Variants in NCOA3 observed in about 807,000 individuals in gnomAD.
NCOA3 encodes CBP-interacting protein.
NCOA3 carries 51 observed loss-of-function variants against 158.8 expected under a neutral mutation model. The observed-to-expected ratio is 0.32, with a 90% CI of 0.26 to 0.41. The LOEUF (loss-of-function observed/expected upper bound fraction) is 0.41. NCOA3 is among the 10% of genes least tolerant of loss of function. The pLI, the probability that NCOA3 is intolerant of heterozygous loss-of-function variation, is 1.00. For synonymous variants in NCOA3, 537 were observed against 592.4 expected, an observed-to-expected ratio of 0.91 and a Z score of 1.36; for missense variants, 1,510 against 1,746.6, an observed-to-expected ratio of 0.86 and a Z score of 2.41.
Position 47,635,369 on chromosome 20 carries a change from T to G in NCOA3, c.1160T>G (p.Ile387Ser). The change falls in exon 11 of 23, where the codon ATT becomes AGT. Residue 387 changes from isoleucine (I) to serine (S), a missense_variant. This residue lies in a region of NCOA3 where 1,017 missense variants were observed against 1,098.3 expected (regional missense o/e 0.93). Transcript: ENST00000371998. ...RPNPNPVGQG[I>S]RPPMAGCNSS... ...AACCCAAATCCTGTTGGACAAGGGA[T>G]TAGACCACCTATGGCTGGATGCAAC... The G allele has an allele frequency of 6.2e-7, 1 of 1,612,750 alleles. No individual in the cohort carries two copies. The highest frequency in any genetic ancestry group is 1.1e-5 in the South Asian group (1 of 91,058).
intron 2 of NCOA3, among the ~76,000 whole-genome samples, chr20:47,586,924 G>A (rs1338872814): frequency 1.3e-5 from 2 of 152,190 alleles, no homozygotes; most frequent in Non-Finnish European, 2.9e-5. Context: ...CCTTGGCCAA[G>A]GTGTTGCCAG....
intron 1 of NCOA3, among the ~76,000 whole-genome samples, chr20:47,522,656 A>G (rs2084361895): frequency 1.3e-5 from 2 of 151,394 alleles, no homozygotes; most frequent in Admixed American, 1.3e-4. Flanking sequence ...GAAAAAGCTG[A>G]CCCTCCCACC....
intron 1 of NCOA3, among the ~76,000 whole-genome samples, chr20:47,568,955 AGTTTT>A (rs1045819216): frequency 1.3e-5 from 2 of 149,110 alleles, no homozygotes; most frequent in African/African-American, 2.5e-5. Flanking sequence ...AAATTAAAAC[AGTTTT>A]TTTTTTTTTT....
At chr20:47,511,550 T>TATATATATATATATATACATACAC in intron 1 of NCOA3, among the ~76,000 whole-genome samples, 3 of 52,268 alleles carry the variant, frequency 5.7e-5, no homozygotes, top group Non-Finnish European at 8.0e-5. Flanking sequence ...TATATATATA[T>TATATATATATATATATACATACAC]ATATATTTCT....
intron 2 of NCOA3, among the ~76,000 whole-genome samples, chr20:47,618,846 A>G (rs1411133007): frequency 2.0e-5 from 3 of 152,240 alleles, no homozygotes; most frequent in Non-Finnish European, 4.4e-5. Flanking sequence ...CTTAACACAA[A>G]TGATCTGCAT....
intron 2 of NCOA3, among the ~76,000 whole-genome samples, chr20:47,620,236 A>G (rs2086216164): frequency 6.6e-6 from 1 of 152,108 alleles, no homozygotes; most frequent in South Asian, 2.1e-4. Context: ...TTTATTCCTA[A>G]GTAGTTAATG....
Position 47,635,635 on chromosome 20 carries a change from A to G in NCOA3, c.1426A>G (p.Asn476Asp). The G allele has an allele frequency of 4.3e-6, 7 of 1,614,176 alleles. No homozygotes were observed. Among genetic ancestry groups the G allele is most frequent in the South Asian group, 1.1e-5 (1 of 91,082 alleles). The change falls in exon 11 of 23, where the codon AAC becomes GAC. Residue 476 changes from asparagine (N) to aspartate (D), a missense_variant. Coordinates refer to ENST00000371998, the MANE Select transcript of NCOA3 (RefSeq NM_181659.3). The part of the protein sequence containing the change: ...PPHGSPGLAP[N>D]QQNIMISPRN... ...ACATGGGAGTCCTGGTCTTGCCCCAAACCAGCAGAATATCATGATTTCTCC... is the reference window on the plus strand; with the variant it reads ...ACATGGGAGTCCTGGTCTTGCCCCAGACCAGCAGAATATCATGATTTCTCC...
rs182372110 is a variant in NCOA3 at position 47,554,635 on chromosome 20, G to A, written c.-98-28548G>A. On this transcript the variant is annotated intron_variant, in intron 1 of 22. Coordinates refer to ENST00000371998, the MANE Select transcript of NCOA3 (RefSeq NM_181659.3). The stretch of plus-strand genomic sequence containing the variant: ...GCTTCAAAGAGAATAAAATACCTAG[G>A]AATCCAACTTACAAGGGATGTGAAA... Among the ~76,000 whole-genome samples, 340 of 151,902 alleles carry A rather than the reference G, an allele frequency of 2.2e-3. 1 individual carries two copies. The highest frequency in any genetic ancestry group is 8.0e-3 in the African/African-American group (330 of 41,346).
At chr20:47,561,905 C>T (rs1459666166) in intron 1 of NCOA3, among the ~76,000 whole-genome samples, 1 of 152,044 alleles carries the variant, frequency 6.6e-6, no homozygotes, top group African/African-American at 2.4e-5. Context: ...AAATCTATGC[C>T]CCACCTATTC....
intron 1 of NCOA3, among the ~76,000 whole-genome samples, chr20:47,507,340 T>G (rs190196642): frequency 6.6e-6 from 1 of 152,328 alleles, no homozygotes; most frequent in African/African-American, 2.4e-5. Context: ...TCTTTAATGC[T>G]TTTACCTTTA....
chr20:47,510,217 A>C (rs993622918), intron 1 of NCOA3, among the ~76,000 whole-genome samples: 2 of 151,934 alleles, frequency 1.3e-5, no homozygotes, highest in Non-Finnish European at 2.9e-5. Flanking sequence ...TGGATCACGA[A>C]GTCAGGAATT....
chr20:47,611,217 T>C (rs2086037550), intron 2 of NCOA3, among the ~76,000 whole-genome samples: 1 of 152,190 alleles, frequency 6.6e-6, no homozygotes, highest in South Asian at 2.1e-4. Context: ...TCTTTATTGC[T>C]TATTAATTTA....
intron 19 of NCOA3, among the ~76,000 whole-genome samples, chr20:47,649,560 G>C (rs1176695909): frequency 6.6e-6 from 1 of 152,026 alleles, no homozygotes; most frequent in African/African-American, 2.4e-5. Flanking sequence ...GTAGTAGGAG[G>C]GGATATTAAA....
Position 47,641,490 on chromosome 20 carries a change from CTTTTTTTT to C in NCOA3, c.3081-702_3081-695del, listed in dbSNP as rs71183270. Among the ~76,000 whole-genome samples the C allele has an allele frequency of 2.4e-3, 115 of 48,370 alleles. 3 individuals are homozygous for C. Among genetic ancestry groups the C allele is most frequent in the African/African-American group, 0.012 (104 of 8,406 alleles). The allele number at this position is 48,370 out of a possible 152,430, so 31.7% of individuals were successfully genotyped here. ...GTCAGCCACCACGCCTGGCTCCCTT[CTTTTTTTT>C]TTTTTTTTTTTTTTTTTTTTGAGAC... On this transcript the variant is annotated intron_variant, in intron 16 of 22. Coordinates refer to ENST00000371998, the MANE Select transcript of NCOA3 (RefSeq NM_181659.3).
chr20:47,545,112 C>T (rs928444373), intron 1 of NCOA3, among the ~76,000 whole-genome samples: 11 of 147,580 alleles, frequency 7.5e-5, no homozygotes, highest in Admixed American at 1.4e-4. Context: ...TGATGTCGAC[C>T]TGTTTTTCTT....
At chr20:47,636,846 G>A in intron 12 of NCOA3, 84 bp downstream of exon 12, 1 of 1,302,360 alleles carries the variant, frequency 7.7e-7, no homozygotes, top group Non-Finnish European at 1.0e-6. Flanking sequence ...TTCCATTTTA[G>A]GTTTATTTAA....
At chr20:47,522,406 C>CTTTTTTTTTTTCTT (rs2084356120) in intron 1 of NCOA3, among the ~76,000 whole-genome samples, 1 of 128,164 alleles carries the variant, frequency 7.8e-6, no homozygotes, top group African/African-American at 3.0e-5. Flanking sequence ...GCGCCCGGCC[C>CTTTTTTTTTTTCTT]TTTTTTTTTT....
intron 1 of NCOA3, among the ~76,000 whole-genome samples, chr20:47,547,062 T>C (rs1430297057): frequency 6.6e-6 from 1 of 152,224 alleles, no homozygotes; most frequent in African/African-American, 2.4e-5. Flanking sequence ...CCTCTGACCT[T>C]ATAGCACTAA....
intron 2 of NCOA3, among the ~76,000 whole-genome samples, chr20:47,598,775 C>T (rs992704093): frequency 1.3e-5 from 2 of 152,122 alleles, no homozygotes; most frequent in African/African-American, 4.8e-5. Flanking sequence ...CTGATAGGTG[C>T]ATAAATAAAA....
Sources: allele counts gnomAD v4.1 joint callset (sites outside exome capture counted in the v4.1 genomes callset), GRCh38; gene constraint gnomAD v4.1.1; regional missense constraint gnomAD v4.1.1; transcripts MANE v1.5; gene names NCBI Gene and HGNC (gene_info 2026-07-23, HGNC 2026-07-21).